The following COQ10B variants were observed in gnomAD, a reference collection of about 807,000 sequenced individuals.
The protein encoded by COQ10B is coenzyme Q10B, also known as coenzyme Q-binding protein COQ10 homolog B, mitochondrial.
A neutral mutation model predicts 27.6 loss-of-function variants in COQ10B; 12 were observed. The ratio of observed to expected loss-of-function variants is 0.43; its 90% CI spans 0.28 to 0.70. The LOEUF (loss-of-function observed/expected upper bound fraction) is 0.70, where lower values mean the gene tolerates loss of function less well. Ranked by LOEUF, COQ10B falls within the 30% of genes least tolerant of loss-of-function variation. COQ10B has a pLI of 0.17. For missense variants in COQ10B, 278 were observed against 288.7 expected, an observed-to-expected ratio of 0.96 and a Z score of 0.27; for synonymous variants, 115 against 103.0, an observed-to-expected ratio of 1.12 and a Z score of -0.71.
chr2:197,472,418 G>T (rs1256770940), intron 4 of COQ10B, among the ~76,000 whole-genome samples: 1 of 148,094 alleles, frequency 6.8e-6, no homozygotes, highest in African/African-American at 2.4e-5. Flanking sequence ...GCTTCAGGCT[G>T]TTAAAAGCCT....
intron 3 of COQ10B, among the ~76,000 whole-genome samples, chr2:197,463,388 C>T (rs1441380097): frequency 2.0e-5 from 3 of 151,594 alleles, no homozygotes; most frequent in East Asian, 1.9e-4. Flanking sequence ...AGGAGAATCA[C>T]GTGAACCCGG....
At chr2:197,458,872 G>A (rs1464452669) in intron 1 of COQ10B, among the ~76,000 whole-genome samples, 5 of 151,928 alleles carry the variant, frequency 3.3e-5, no homozygotes, top group African/African-American at 9.7e-5. Flanking sequence ...AGTAGAGATG[G>A]GGTTTCACCA....
intron 1 of COQ10B, among the ~76,000 whole-genome samples, chr2:197,457,536 T>A (rs1395022735): frequency 6.6e-6 from 1 of 152,228 alleles, no homozygotes; most frequent in African/African-American, 2.4e-5. Flanking sequence ...CATGAAGTGT[T>A]ATTTATAGCT....
rs1156307066 is a variant in COQ10B, at chr2:197,453,557, T to C, written c.-4T>C. The C allele has an allele frequency of 2.5e-6, 4 of 1,611,352 alleles. No individual in the cohort carries two copies. The highest frequency in any genetic ancestry group is 3.4e-6 in the Non-Finnish European group (4 of 1,177,830). Reference sequence around the variant, plus strand: ...AGGTGACGACCGGCTTCGGAGAGTCTATCATGGCAGCTCGGACTGGTCATA... The same window carrying C: ...AGGTGACGACCGGCTTCGGAGAGTCCATCATGGCAGCTCGGACTGGTCATA... On this transcript the variant is annotated 5_prime_UTR_variant, in exon 1 of 5. Coordinates refer to ENST00000263960, the MANE Select transcript of COQ10B (RefSeq NM_025147.5).
At chr2:197,464,034 C>CAT (rs1426588634) in intron 3 of COQ10B, among the ~76,000 whole-genome samples, 1 of 109,346 alleles carries the variant, frequency 9.1e-6, no homozygotes, top group Non-Finnish European at 1.8e-5. Flanking sequence ...CACATACATA[C>CAT]ACACACATAT....
At position 197,469,263 on chromosome 2, in the gene COQ10B, G is replaced by A. The variant is rs183990798; in HGVS notation, c.448-807G>A. Among the ~76,000 whole-genome samples the A allele has an allele frequency of 1.1e-3, 173 of 152,324 alleles. 2 individuals carry two copies. The highest frequency in any genetic ancestry group is 3.3e-3 in the East Asian group (17 of 5,180). ...TCTGTTGCCCAGGCTGGAGTGCAGT[G>A]GCATAATCATAGCTTACTGCAGCCT... On this transcript the variant is annotated intron_variant, in intron 3 of 4. Coordinates refer to ENST00000263960, the MANE Select transcript of COQ10B (RefSeq NM_025147.5).
At chr2:197,470,476 C>T (rs1054980548) in intron 4 of COQ10B, among the ~76,000 whole-genome samples, 9 of 152,298 alleles carry the variant, frequency 5.9e-5, no homozygotes, top group South Asian at 2.1e-4. Flanking sequence ...GATGCAGAAA[C>T]AGGCTAGGTG....
intron 1 of COQ10B, among the ~76,000 whole-genome samples, chr2:197,456,462 C>G (rs553207108): frequency 8.1e-6 from 1 of 123,706 alleles, no homozygotes; most frequent in South Asian, 2.6e-4. Context: ...GACTCCATCT[C>G]AAAAAAAAAA....
intron 2 of COQ10B, among the ~76,000 whole-genome samples, 200 bp from the exon 3 acceptor site, chr2:197,462,339 A>G (rs1370470835): frequency 2.0e-5 from 3 of 151,624 alleles, no homozygotes; most frequent in East Asian, 1.9e-4. Context: ...GATCTCTGCC[A>G]TATCATGTAT....
chr2:197,470,740 C>T (rs927353570), intron 4 of COQ10B, among the ~76,000 whole-genome samples: 1 of 152,088 alleles, frequency 6.6e-6, no homozygotes, highest in Non-Finnish European at 1.5e-5. Flanking sequence ...AGTAAAAATA[C>T]AAAAATTAGC....
At chr2:197,466,148 T>A (rs562269681) in intron 3 of COQ10B, among the ~76,000 whole-genome samples, 2 of 152,282 alleles carry the variant, frequency 1.3e-5, no homozygotes, top group Admixed American at 1.3e-4. Flanking sequence ...AATCTCTTTA[T>A]CATTGCACAT....
intron 3 of COQ10B, among the ~76,000 whole-genome samples, chr2:197,463,988 TATATATATACAC>T (rs1404364471): frequency 1.7e-4 from 14 of 81,534 alleles, no homozygotes; most frequent in Admixed American, 1.7e-4. Flanking sequence ...TATATATATA[TATATATATACAC>T]ACACACACAC....
intron 1 of COQ10B, 71 bp downstream of exon 1, chr2:197,453,735 G>C: frequency 7.5e-7 from 1 of 1,340,206 alleles, no homozygotes; most frequent in Non-Finnish European, 1.1e-6. Context: ...GGACCGGAAG[G>C]ATTTGGGGGT....
chr2:197,473,402 C>CAA (rs1208430482), intron 4 of COQ10B, among the ~76,000 whole-genome samples: 1,747 of 45,408 alleles, frequency 0.038, 162 homozygotes, highest in African/African-American at 0.083. Flanking sequence ...CCCCCCCCCA[C>CAA]AAAAAAAAAA....
chr2:197,463,115 TAAAG>T lies in COQ10B; in HGVS notation c.447+387_447+390del, dbSNP rs919421305. On this transcript the variant is annotated intron_variant, in intron 3 of 4. Transcript: ENST00000263960. ...TTACTAAATATATAGTTTTTTAAGT[TAAAG>T]AAGGAATGGTGGGGAAGAAGGAAGG... Among the ~76,000 whole-genome samples the T allele has an allele frequency of 4.6e-5, 7 of 152,188 alleles. No individual in the cohort carries two copies. The East Asian group carries it at 9.6e-4, about 21-fold the overall frequency.
chr2:197,461,619 C>T (rs948019510), intron 2 of COQ10B, among the ~76,000 whole-genome samples: 79 of 127,812 alleles, frequency 6.2e-4, no homozygotes, highest in African/African-American at 2.4e-3. Flanking sequence ...GAGAGGTGTA[C>T]AGGGTCTCAG....
At chr2:197,462,179 G>A (rs1013351786) in intron 2 of COQ10B, among the ~76,000 whole-genome samples, 1 of 151,108 alleles carries the variant, frequency 6.6e-6, no homozygotes, top group African/African-American at 2.4e-5. Flanking sequence ...TGAGGCAGGA[G>A]AATCGCTTGA....
In COQ10B at chr2:197,460,004, A is replaced by G; in HGVS notation, c.177A>G (p.Ile59Met). ...PLHTSILPKE[I>M]CARTFFKITA... Reference sequence around the variant, plus strand: ...ATACCTCAATTTTGCCTAAGGAGATATGTGCACGAACTTTCTTCAAAATCA... The same window carrying G: ...ATACCTCAATTTTGCCTAAGGAGATGTGTGCACGAACTTTCTTCAAAATCA... Residue 59 changes from isoleucine to methionine, a missense_variant, in exon 2 of 5, where the codon ATA becomes ATG. Coordinates refer to ENST00000263960, the MANE Select transcript of COQ10B (RefSeq NM_025147.5). The G allele has an allele frequency of 1.2e-6, 2 of 1,611,288 alleles. No individual in the cohort carries two copies. Among genetic ancestry groups the G allele is most frequent in the Non-Finnish European group, 1.7e-6 (2 of 1,177,692 alleles).
rs1208430482 is a variant in COQ10B at position 197,473,402 on chromosome 2, C to CAAAAA, written c.550-345_550-341dup. The stretch of plus-strand genomic sequence containing the variant: ...AACCCCTTCTCTACGCCCCCCCCCA[C>CAAAAA]AAAAAAAAAAAAAATATATATATAT... On this transcript the variant is annotated intron_variant, in intron 4 of 4. Coordinates refer to ENST00000263960, the MANE Select transcript of COQ10B (RefSeq NM_025147.5). Among the ~76,000 whole-genome samples the CAAAAA allele has an allele frequency of 2.7e-3, 122 of 45,672 alleles. 7 individuals are homozygous for CAAAAA. Among genetic ancestry groups the CAAAAA allele is most frequent in the African/African-American group, 0.011 (112 of 9,880 alleles). 30.0% of individuals were successfully genotyped at this position (45,672 alleles called of 152,430 possible).
Sources: gnomAD v4.1 joint callset for allele counts (sites outside exome capture counted in the v4.1 genomes callset) on GRCh38, gnomAD v4.1.1 for gene constraint, MANE v1.5 for transcripts, NCBI Gene and HGNC (gene_info 2026-07-23, HGNC 2026-07-21) for gene names.